BTBD7: variants seen among roughly 807,000 people sequenced by gnomAD.
BTBD7 encodes the protein BTB domain containing 7.
A neutral mutation model predicts 99.9 loss-of-function variants in BTBD7; 38 were observed. That is an observed-to-expected ratio of 0.38 (90% CI 0.29 to 0.50). BTBD7 has a LOEUF of 0.50. Among genes scored for constraint, BTBD7 ranks in the 20% least tolerant of loss-of-function variants. The probability of loss-of-function intolerance (pLI) is 0.93; values close to 1 mark genes in which losing one functional copy is unlikely to be tolerated. For missense variants in BTBD7, 1,170 were observed against 1,394.6 expected (o/e 0.84, Z 2.57); for synonymous variants, 520 against 511.4 (o/e 1.02, Z -0.23).
chr14:93,318,039 C>T (rs1231970641), intron 1 of BTBD7, among the ~76,000 whole-genome samples: 1 of 152,186 alleles, frequency 6.6e-6, no homozygotes, highest in African/African-American at 2.4e-5. Flanking sequence ...GGCATTTTCG[C>T]TTTGTATTTT....
At position 93,238,492 on chromosome 14, in the gene BTBD7, C is replaced by T. The variant is rs1238025229; in HGVS notation, c.*3781G>A. On this transcript the variant is annotated 3_prime_UTR_variant, in exon 11 of 11. Coordinates refer to ENST00000334746, the MANE Select transcript of BTBD7 (RefSeq NM_001002860.4). ...CCACCACAGAACCAGGAATAGCACC[C>T]ATCACTGCTGCTTTGTCACTCCAGA... is the stretch of plus-strand genomic sequence containing the variant. 6.6e-6 allele frequency: 1 copy of T among 152,572 alleles called. No individual in the cohort carries two copies. Among genetic ancestry groups the T allele is most frequent in the Admixed American group, 6.5e-5 (1 of 15,268 alleles). 9.5% of individuals were successfully genotyped at this position (152,572 alleles called of 1,614,324 possible). A position where few individuals can be genotyped will look rare whatever the true frequency, so the allele number is the denominator to read the frequency against.
In BTBD7 at chr14:93,282,335, C is replaced by CTTT. The variant is rs71129622; in HGVS notation, c.1162+11520_1162+11522dup. ...TAGGAGATAAGAGCAATGCTTTTTT[C>CTTT]TTTTTTTTTTTTTTTGAGACAGTTT... On this transcript the variant is annotated intron_variant, in intron 3 of 10. Coordinates refer to ENST00000334746, the MANE Select transcript of BTBD7 (RefSeq NM_001002860.4). 8.0e-4 allele frequency among the ~76,000 whole-genome samples: 112 copies of CTTT among 139,992 alleles called. 1 individual carries two copies. The highest frequency in any genetic ancestry group is 1.2e-3 in the African/African-American group (46 of 38,180). 91.8% of individuals were successfully genotyped at this position (139,992 alleles called of 152,430 possible). A position where few individuals can be genotyped will look rare whatever the true frequency, so the allele number is the denominator to read the frequency against.
chr14:93,283,811 G>A (rs1203381091), intron 3 of BTBD7, among the ~76,000 whole-genome samples: 1 of 152,142 alleles, frequency 6.6e-6, no homozygotes, highest in Non-Finnish European at 1.5e-5. Context: ...TTCGGCCTCT[G>A]AAAGTGCTGG....
intron 1 of BTBD7, among the ~76,000 whole-genome samples, chr14:93,307,272 C>A (rs1439584177): frequency 6.6e-6 from 1 of 152,194 alleles, no homozygotes; most frequent in Non-Finnish European, 1.5e-5. Flanking sequence ...CAAGCCTCAG[C>A]CTCCCAAGTA....
At chr14:93,249,219 G>A (rs1056700773) in intron 8 of BTBD7, among the ~76,000 whole-genome samples, 1 of 144,314 alleles carries the variant, frequency 6.9e-6, no homozygotes, top group Non-Finnish European at 1.5e-5. Flanking sequence ...AAGGCTTCAA[G>A]GTGTACACAG....
intron 1 of BTBD7, among the ~76,000 whole-genome samples, chr14:93,316,548 A>G (rs954274409): frequency 1.3e-5 from 2 of 152,196 alleles, no homozygotes; most frequent in East Asian, 3.9e-4. Flanking sequence ...CATACTGGGC[A>G]TAACATGTAT....
chr14:93,283,296 T>C (rs2052741652), intron 3 of BTBD7, among the ~76,000 whole-genome samples: 1 of 152,210 alleles, frequency 6.6e-6, no homozygotes, highest in African/African-American at 2.4e-5. Context: ...CAGGCTTGTC[T>C]TGAACTTCTG....
intron 6 of BTBD7, chr14:93,256,076 C>G (rs2052426022): frequency 6.6e-6 from 1 of 152,132 alleles, no homozygotes; most frequent in African/African-American, 2.4e-5. Context: ...TTCTTGAAAA[C>G]AATATTGTTT....
chr14:93,243,447 C>A (rs1484760397), intron 10 of BTBD7, among the ~76,000 whole-genome samples: 2 of 152,158 alleles, frequency 1.3e-5, no homozygotes, highest in Non-Finnish European at 2.9e-5. Context: ...CTCACCTCGG[C>A]CTCCTAAAGT....
chr14:93,263,861 T>C lies in BTBD7; in HGVS notation c.1295A>G (p.Gln432Arg). 4 of 1,614,140 alleles carry C rather than the reference T, an allele frequency of 2.5e-6. No homozygotes were observed. The highest frequency in any genetic ancestry group is 1.1e-5 in the South Asian group (1 of 91,088). The change falls in exon 4 of 11, where the codon CAG (glutamine) becomes CGG (arginine). Residue 432 changes from glutamine (Q) to arginine (R), a missense_variant. Around this residue, in one of 4 missense-constraint regions of BTBD7, gnomAD observed 309 missense variants for 342.0 expected, o/e 0.90. Transcript: ENST00000334746. ...ALHFLCEEFS[Q>R]VMTSDVFYEL... ...ATAAAAAACATCCGAAGTCATGACCTGGGAAAATTCCTCACAGAGGAAATG... is the reference window on the plus strand; with the variant it reads ...ATAAAAAACATCCGAAGTCATGACCCGGGAAAATTCCTCACAGAGGAAATG...
intron 6 of BTBD7, among the ~76,000 whole-genome samples, chr14:93,254,509 C>A (rs2052407780): frequency 6.6e-6 from 1 of 152,128 alleles, no homozygotes; most frequent in African/African-American, 2.4e-5. Context: ...GGAAGGCTAG[C>A]ACAGTGCCTA....
intron 1 of BTBD7, among the ~76,000 whole-genome samples, chr14:93,298,853 C>A (rs1029250244): frequency 6.6e-6 from 1 of 152,170 alleles, no homozygotes; most frequent in African/African-American, 2.4e-5. Flanking sequence ...GTTGCAAACA[C>A]TAGGGAAGTC....
chr14:93,283,131 G>A (rs2052739965), intron 3 of BTBD7, among the ~76,000 whole-genome samples: 1 of 152,244 alleles, frequency 6.6e-6, no homozygotes, highest in Non-Finnish European at 1.5e-5. Flanking sequence ...AGGTTGGAGT[G>A]CAGTGGCATG....
At chr14:93,322,980 G>A (rs554185397) in intron 1 of BTBD7, among the ~76,000 whole-genome samples, 2 of 152,154 alleles carry the variant, frequency 1.3e-5, no homozygotes, top group South Asian at 2.1e-4. Context: ...CAAATTAGCT[G>A]AGCATGATGG....
chr14:93,248,772 G>C (rs1595285753), intron 8 of BTBD7, 118 bp from the exon 9 acceptor site: 28 of 924,024 alleles, frequency 3.0e-5, no homozygotes, highest in Non-Finnish European at 4.0e-5. Flanking sequence ...TTTTAAGATA[G>C]TATCTTAATT....
intron 3 of BTBD7, among the ~76,000 whole-genome samples, chr14:93,270,280 G>C (rs1193562575): frequency 1.3e-5 from 2 of 151,968 alleles, no homozygotes; most frequent in African/African-American, 4.8e-5. Flanking sequence ...ATTTTTAGTA[G>C]AGACGGGATT....
rs148309950 is a variant in BTBD7, at chr14:93,259,507, A to G, written c.1447+2095T>C. ...TGGGAATGTGCTTGTTGGGAGACCA[A>G]GCTTTTTGCTACTCCGTGAATGACC... On this transcript the variant is annotated intron_variant, in intron 5 of 10. Coordinates refer to ENST00000334746, the MANE Select transcript of BTBD7 (RefSeq NM_001002860.4). Among the ~76,000 whole-genome samples the G allele has an allele frequency of 2.7e-3, 407 of 152,306 alleles. 1 individual carries two copies. The highest frequency in any genetic ancestry group is 9.2e-3 in the African/African-American group (384 of 41,564).
chr14:93,317,108 C>G (rs1029537050), intron 1 of BTBD7, among the ~76,000 whole-genome samples: 1 of 152,156 alleles, frequency 6.6e-6, no homozygotes, highest in Admixed American at 6.5e-5. Flanking sequence ...TGGGTTCAAG[C>G]GATTACCCTG....
At chr14:93,276,264 G>T (rs1404206998) in intron 3 of BTBD7, among the ~76,000 whole-genome samples, 2 of 152,160 alleles carry the variant, frequency 1.3e-5, no homozygotes, top group Non-Finnish European at 2.9e-5. Flanking sequence ...TGCCAGTCAG[G>T]CATTACTAAT....
Sources: gnomAD v4.1 joint callset for allele counts (sites outside exome capture counted in the v4.1 genomes callset) on GRCh38, gnomAD v4.1.1 for gene constraint, gnomAD v4.1.1 regional missense constraint, MANE v1.5 for transcripts, NCBI Gene and HGNC (gene_info 2026-07-23, HGNC 2026-07-21) for gene names.